The following SHCBP1L variants were observed in gnomAD, a reference collection of about 807,000 sequenced individuals.
SHCBP1L encodes testicular spindle-associated protein SHCBP1L.
A neutral mutation model predicts 62.5 loss-of-function variants in SHCBP1L; 67 were observed. The observed-to-expected ratio is 1.07, with a 90% CI of 0.88 to 1.31. The LOEUF (loss-of-function observed/expected upper bound fraction) is 1.31, where lower values mean the gene tolerates loss of function less well. Ranked by LOEUF, SHCBP1L falls within the 40% of genes most tolerant of loss-of-function variation. The pLI, the probability that SHCBP1L is intolerant of heterozygous loss-of-function variation, is 0.00. For synonymous variants in SHCBP1L, 284 were observed against 289.4 expected (o/e 0.98, Z 0.19); for missense variants, 823 against 809.8 (o/e 1.02, Z -0.20).
At chr1:182,920,279 C>T (rs1372084701) in intron 6 of SHCBP1L, among the ~76,000 whole-genome samples, 3 of 152,146 alleles carry the variant, frequency 2.0e-5, no homozygotes, top group African/African-American at 7.2e-5. Flanking sequence ...GGTACCAGCC[C>T]CCCAGGGTTG....
Position 182,899,998 on chromosome 1 carries a change from T to C in SHCBP1L, c.1947A>G (p.Arg649=), listed in dbSNP as rs1396391914. The C allele has an allele frequency of 3.1e-6, 5 of 1,606,334 alleles. No homozygotes were observed. Among genetic ancestry groups the C allele is most frequent in the Non-Finnish European group, 3.4e-6 (4 of 1,177,102 alleles). The change falls in exon 10 of 10, where the codon AGA becomes AGG. Residue 649 remains arginine (R), a synonymous_variant. Coordinates refer to ENST00000367547, the MANE Select transcript of SHCBP1L (RefSeq NM_030933.4). Reference sequence around the variant, plus strand: ...TTCAGACGCTTTAACTTGTGACTATTCTGATATCCCCCTTGACGTTTGCTT... The same window carrying C: ...TTCAGACGCTTTAACTTGTGACTATCCTGATATCCCCCTTGACGTTTGCTT... The part of the protein sequence containing the change: ...KIEANVKGDI[R]IVTS
At chr1:182,940,780 A>G (rs1651337393) in intron 2 of SHCBP1L, among the ~76,000 whole-genome samples, 1 of 152,064 alleles carries the variant, frequency 6.6e-6, no homozygotes, top group South Asian at 2.1e-4. Flanking sequence ...TGTATCTCCT[A>G]CATTATTTGT....
At chr1:182,917,205 CA>C (rs1249885087) in intron 6 of SHCBP1L, among the ~76,000 whole-genome samples, 1 of 152,024 alleles carries the variant, frequency 6.6e-6, no homozygotes, top group African/African-American at 2.4e-5. Flanking sequence ...AATATAAATG[CA>C]AAAATCCTCA....
chr1:182,952,636 G>A (rs1475848936), intron 1 of SHCBP1L, 93 bp downstream of exon 1: 4 of 1,415,750 alleles, frequency 2.8e-6, no homozygotes, highest in East Asian at 2.5e-5. Flanking sequence ...GTGCCCTGTG[G>A]ATCCCCATCC....
chr1:182,904,159 AC>A lies in SHCBP1L; in HGVS notation c.1587+20del. On this transcript the variant is annotated intron_variant, in intron 8 of 9. Transcript: ENST00000367547. ...GTCATCTATAGTCATATAAGGCCAT[AC>A]TTTTTAAAGAATGAAATACCTGGGC... 2 of 1,612,062 alleles carry A rather than the reference AC, an allele frequency of 1.2e-6. No individual in the cohort carries two copies. The highest frequency in any genetic ancestry group is 1.7e-6 in the Non-Finnish European group (2 of 1,179,070).
At chr1:182,947,779 AG>A (rs1244908656) in intron 2 of SHCBP1L, among the ~76,000 whole-genome samples, 1 of 152,172 alleles carries the variant, frequency 6.6e-6, no homozygotes, top group Non-Finnish European at 1.5e-5. Context: ...TCTGGGCTCA[AG>A]TGATCCTCTC....
rs374803869 is a variant in SHCBP1L, at chr1:182,940,509, C to T, written c.590G>A (p.Arg197His). Reference sequence around the variant, plus strand: ...AGCAACAGAAACAGTAACTTTGAAACGAGATGATGAGTCTTGGTATGGTTC... The same window carrying T: ...AGCAACAGAAACAGTAACTTTGAAATGAGATGATGAGTCTTGGTATGGTTC... ...TCEPYQDSSS[R>H]FKVTVSVAEP... is the part of the protein sequence containing the mutation. The change falls in exon 3 of 10, where the codon CGT (arginine) becomes CAT (histidine). Residue 197 changes from arginine to histidine, a missense_variant. By Grantham distance (29) the Arg-to-His change is conservative (BLOSUM62 0). Coordinates refer to ENST00000367547, the MANE Select transcript of SHCBP1L (RefSeq NM_030933.4). 76 of 1,613,702 alleles carry T rather than the reference C, an allele frequency of 4.7e-5. No individual in the cohort carries two copies. The highest frequency in any genetic ancestry group is 5.8e-5 in the Non-Finnish European group (69 of 1,179,882).
At chr1:182,913,474 A>G (rs914150551) in intron 6 of SHCBP1L, among the ~76,000 whole-genome samples, 1 of 152,294 alleles carries the variant, frequency 6.6e-6, no homozygotes, top group South Asian at 2.1e-4. Context: ...AGTTTTCTGT[A>G]TTGATAATTC....
chr1:182,900,720 C>T (rs934597875), intron 9 of SHCBP1L, among the ~76,000 whole-genome samples: 1 of 152,140 alleles, frequency 6.6e-6, no homozygotes, highest in African/African-American at 2.4e-5. Context: ...CGTGAGCCAC[C>T]ATGCCCAGCC....
At chr1:182,943,154 T>A (rs1451558669) in intron 2 of SHCBP1L, among the ~76,000 whole-genome samples, 1 of 152,168 alleles carries the variant, frequency 6.6e-6, no homozygotes, top group African/African-American at 2.4e-5. Context: ...TTTCACTCTG[T>A]TGCCCAGGCT....
rs763542743 is a variant in SHCBP1L at position 182,929,632 on chromosome 1, T to C, written c.1182+15A>G. The C allele has an allele frequency of 2.1e-6, 3 of 1,453,310 alleles. No individual in the cohort carries two copies. The Admixed American group carries it at 7.1e-5, about 34-fold the overall frequency. The allele number at this position is 1,453,310 out of a possible 1,614,324, so 90.0% of individuals were successfully genotyped here. ...CTAATACTTAAATAACAAATAAGAATAGTTTATTTCTTACCATTTCAGTAG... is the reference window on the plus strand; with the variant it reads ...CTAATACTTAAATAACAAATAAGAACAGTTTATTTCTTACCATTTCAGTAG... On this transcript the variant is annotated intron_variant, in intron 6 of 9. Transcript: ENST00000367547.
At position 182,939,371 on chromosome 1, in the gene SHCBP1L, G is replaced by A; in HGVS notation, c.881C>T (p.Thr294Ile). 6.2e-7 allele frequency: 1 copy of A among 1,613,800 alleles called. No homozygotes were observed. The highest frequency in any genetic ancestry group is 8.5e-7 in the Non-Finnish European group (1 of 1,179,904). Reference sequence around the variant, plus strand: ...ACGTTGTGCGATAGGACCAGGTATTGTTCCATCCTGTATATCACACCACCT... The same window carrying A: ...ACGTTGTGCGATAGGACCAGGTATTATTCCATCCTGTATATCACACCACCT... ...INLWCDIQDGTIPGPIAQRFK... is the reference protein window; with the variant it reads ...INLWCDIQDGIIPGPIAQRFK... The change falls in exon 5 of 10, where the codon ACA (threonine) becomes ATA (isoleucine). Residue 294 changes from threonine to isoleucine, a missense_variant. Physicochemically the swap from Thr to Ile is moderately conservative, Grantham distance 89. Coordinates refer to ENST00000367547, the MANE Select transcript of SHCBP1L (RefSeq NM_030933.4).
intron 1 of SHCBP1L, 36 bp from the exon 2 acceptor site, chr1:182,951,503 A>G: frequency 7.1e-7 from 1 of 1,402,318 alleles, no homozygotes. Context: ...ATATAAATAT[A>G]TGAAATTATA....
intron 6 of SHCBP1L, among the ~76,000 whole-genome samples, chr1:182,924,760 GA>G (rs1465169316): frequency 1.1e-5 from 1 of 88,540 alleles, no homozygotes; most frequent in Non-Finnish European, 1.9e-5. Flanking sequence ...AAGAAAGAAA[GA>G]AAGAAAGAAA....
intron 9 of SHCBP1L, 44 bp from the exon 10 acceptor site, chr1:182,900,278 T>TA (rs1210651267): frequency 2.7e-6 from 4 of 1,455,564 alleles, no homozygotes; most frequent in African/African-American, 2.9e-5. Context: ...TGATTTTATT[T>TA]AAAAAATGAA....
chr1:182,910,898 G>GT lies in SHCBP1L; in HGVS notation c.1183-5250dup, dbSNP rs200716383. Among the ~76,000 whole-genome samples, 244 of 150,988 alleles carry GT rather than the reference G, an allele frequency of 1.6e-3. 1 individual carries two copies. The highest frequency in any genetic ancestry group is 3.5e-3 in the Admixed American group (53 of 15,094). On this transcript the variant is annotated intron_variant, in intron 6 of 9. Transcript: ENST00000367547. Reference sequence around the variant, plus strand: ...ATTTATCTATTTTTTTGTTGTTGTGGTTTTTTTTTGAGATGGATCCAGGCT... The same window carrying GT: ...ATTTATCTATTTTTTTGTTGTTGTGGTTTTTTTTTTGAGATGGATCCAGGCT...
chr1:182,952,117 T>C (rs1009782577), intron 1 of SHCBP1L: 2 of 123,174 alleles, frequency 1.6e-5, no homozygotes, highest in African/African-American at 6.2e-5. Flanking sequence ...ATTGCCCCAC[T>C]GCATTCCGGC....
At chr1:182,934,262 C>T (rs1348650441) in intron 5 of SHCBP1L, among the ~76,000 whole-genome samples, 1 of 151,446 alleles carries the variant, frequency 6.6e-6, no homozygotes, top group Non-Finnish European at 1.5e-5. Context: ...TAAGAAACTG[C>T]CGAACAGTGC....
rs1192815938 is a variant in SHCBP1L at position 182,924,935 on chromosome 1, G to GAAAGAAAGAAAGA, written c.1182+4711_1182+4712insTCTTTCTTTCTTT. ...AAAGGAAAGGAAGGAAGGAAGGAAGGAAGAAAGAAAGAAAGAAAGAAAGAA... is the reference window on the plus strand; with the variant it reads ...AAAGGAAAGGAAGGAAGGAAGGAAGGAAAGAAAGAAAGAAAGAAAGAAAGAAAGAAAGAAAGAA... On this transcript the variant is annotated intron_variant, in intron 6 of 9. Coordinates refer to ENST00000367547, the MANE Select transcript of SHCBP1L (RefSeq NM_030933.4). 4.8e-4 allele frequency among the ~76,000 whole-genome samples: 30 copies of GAAAGAAAGAAAGA among 62,374 alleles called. 1 individual carries two copies. Among genetic ancestry groups the GAAAGAAAGAAAGA allele is most frequent in the African/African-American group, 1.9e-3 (21 of 10,950 alleles). The allele number at this position is 62,374 out of a possible 152,430, so 40.9% of individuals were successfully genotyped here.
Sources: gnomAD v4.1 joint callset for allele counts (sites outside exome capture counted in the v4.1 genomes callset) on GRCh38, gnomAD v4.1.1 for gene constraint, MANE v1.5 for transcripts, NCBI Gene and HGNC (gene_info 2026-07-23, HGNC 2026-07-21) for gene names.